The following EIF3I variants were observed in gnomAD, a reference collection of about 807,000 sequenced individuals.
EIF3I encodes eukaryotic translation initiation factor 3 subunit I.
Under a neutral mutation model 43.3 loss-of-function variants are expected in EIF3I, and 20 were observed. The ratio of observed to expected loss-of-function variants is 0.46; its 90% CI spans 0.32 to 0.67. The LOEUF is 0.67. Among genes scored for constraint, EIF3I ranks in the 30% least tolerant of loss-of-function variants. EIF3I has a pLI of 0.03. For synonymous variants in EIF3I, 167 were observed against 151.7 expected (o/e 1.10, Z -0.74); for missense variants, 279 against 421.4 (o/e 0.66, Z 2.96).
At chr1:32,234,765 G>C (rs1344054638), downstream of EIF3I, 2 of 152,298 alleles carry the variant, frequency 1.3e-5, no homozygotes, top group African/African-American at 4.8e-5. Flanking sequence ...TGCTCAAGGG[G>C]TCCAGGATGA....
At chr1:32,227,793 C>A (rs1639169921) in intron 6 of EIF3I, among the ~76,000 whole-genome samples, 1 of 152,090 alleles carries the variant, frequency 6.6e-6, no homozygotes, top group South Asian at 2.1e-4. Flanking sequence ...AATTAAGGAT[C>A]ACAAATGAGC....
At chr1:32,223,314 C>T (rs563220373) in intron 2 of EIF3I, among the ~76,000 whole-genome samples, 3 of 152,272 alleles carry the variant, frequency 2.0e-5, no homozygotes, top group South Asian at 2.1e-4. Flanking sequence ...GACGGAGTCT[C>T]GCTCTGTCGC....
chr1:32,233,820 T>G (rs780996672), downstream of EIF3I, among the ~76,000 whole-genome samples: 4 of 152,138 alleles, frequency 2.6e-5, no homozygotes, highest in Non-Finnish European at 5.9e-5. Context: ...GTTTTCAAGG[T>G]AGGGGTTCAC....
At chr1:32,222,496 G>A (rs370187762) in intron 1 of EIF3I, 42 bp from the exon 2 acceptor site, 15 of 1,613,156 alleles carry the variant, frequency 9.3e-6, no homozygotes, top group South Asian at 3.3e-5. Context: ...CTGAGGCTGG[G>A]GCCCAATTCC....
At chr1:32,222,470 C>A in intron 1 of EIF3I, 26 bp downstream of exon 1, 1 of 1,610,016 alleles carries the variant, frequency 6.2e-7, no homozygotes. Context: ...AGGGGTATTG[C>A]AGTGGGGGTC....
Position 32,228,429 on chromosome 1 carries a change from C to A in EIF3I, c.529-70C>A, listed in dbSNP as rs1044444596. The stretch of plus-strand genomic sequence containing the variant: ...TGCTGTCTCAGCTTTCATTTGGGTG[C>A]TTGGGTTTCTGGGGAGCTGAGATTA... On this transcript the variant is annotated intron_variant, in intron 6 of 11. Coordinates refer to ENST00000676679, the Ensembl canonical transcript of EIF3I. The A allele has an allele frequency of 4.5e-6, 6 of 1,324,568 alleles. No individual in the cohort carries two copies. In the African/African-American group the frequency reaches 7.2e-5, roughly 16 times the overall value. The allele number at this position is 1,324,568 out of a possible 1,614,324, so 82.1% of individuals were successfully genotyped here. A position where few individuals can be genotyped will look rare whatever the true frequency, so the allele number is the denominator to read the frequency against.
chr1:32,222,442 A>T, exon 1 of EIF3I: 1 of 1,599,848 alleles, frequency 6.3e-7, no homozygotes, highest in South Asian at 1.1e-5. Flanking sequence ...CACAGCCGGG[A>T]TGGTGAGTTT....
chr1:32,226,203 G>T lies in EIF3I; in HGVS notation c.283G>T (p.Ala95Ser), dbSNP rs763686614. ...GCTGGCCCTTCTCAAGACCAATTCG[G>T]CTGTCCGGACCTGCGGTTTTGACTT... The change falls in exon 5 of 12, where the codon GCT becomes TCT. Residue 95 changes from alanine (A) to serine (S), a missense_variant. By Grantham distance (99) the Ala-to-Ser change is moderately conservative. This residue lies in a region of EIF3I where 31 missense variants were observed against 72.1 expected (regional missense o/e 0.43). Transcript: ENST00000676679. 1.9e-6 allele frequency: 3 copies of T among 1,614,074 alleles called. 1 individual carries two copies. Among genetic ancestry groups the T allele is most frequent in the South Asian group, 2.2e-5 (2 of 91,078 alleles).
intron 2 of EIF3I, 152 bp downstream of exon 2, chr1:32,222,782 A>G: frequency 1.3e-6 from 1 of 762,762 alleles, no homozygotes; most frequent in Non-Finnish European, 2.2e-6. Flanking sequence ...TGGCGAAAGT[A>G]TTCTACCGGG....
downstream of EIF3I, chr1:32,231,788 G>A (rs1639241275): frequency 6.5e-6 from 1 of 152,950 alleles, no homozygotes. Flanking sequence ...GTCCTAAGGG[G>A]CCTGCAGAGG....
chr1:32,230,872 C>T (rs1228457915), intron 10 of EIF3I, 55 bp from the exon 10 acceptor site: 41 of 1,382,956 alleles, frequency 3.0e-5, no homozygotes, highest in Non-Finnish European at 3.9e-5. Flanking sequence ...GTGCCACCTC[C>T]AAAGTGTTTT....
chr1:32,222,721 C>G, intron 2 of EIF3I, 91 bp downstream of exon 2: 1 of 1,284,822 alleles, frequency 7.8e-7, no homozygotes, highest in Admixed American at 1.7e-5. Context: ...AGCGGGGAAC[C>G]AAAGAGCAGC....
intron 4 of EIF3I, among the ~76,000 whole-genome samples, chr1:32,225,217 C>T (rs186929263): frequency 6.6e-6 from 1 of 151,994 alleles, no homozygotes; most frequent in Non-Finnish European, 1.5e-5. Context: ...CTCAAGTGAT[C>T]CACCCGCCTT....
chr1:32,233,490 C>T (rs1467849281), downstream of EIF3I, among the ~76,000 whole-genome samples: 1 of 151,942 alleles, frequency 6.6e-6, no homozygotes, highest in Admixed American at 6.6e-5. Flanking sequence ...GGGGTTTTAC[C>T]ATGTTGGCCA....
chr1:32,230,473 C>T (rs540857809), intron 10 of EIF3I, among the ~76,000 whole-genome samples: 169 of 152,218 alleles, frequency 1.1e-3, no homozygotes, highest in African/African-American at 3.8e-3. Flanking sequence ...CCACCCGCCT[C>T]GGCCTCCCAA....
intron 4 of EIF3I, among the ~76,000 whole-genome samples, chr1:32,224,934 A>G (rs999497388): frequency 6.6e-6 from 1 of 152,114 alleles, no homozygotes; most frequent in African/African-American, 2.4e-5. Context: ...CCCAGGTTCA[A>G]GTGATTCTCC....
intron 6 of EIF3I, among the ~76,000 whole-genome samples, chr1:32,227,295 A>AAT (rs1639162944): frequency 6.6e-6 from 1 of 151,162 alleles, no homozygotes; most frequent in Non-Finnish European, 1.5e-5. Context: ...AAAAAAAAAA[A>AAT]AAAAGTTAAT....
exon 12 of EIF3I, chr1:32,231,229 A>C: frequency 2.4e-5 from 39 of 1,600,060 alleles, no homozygotes; most frequent in Non-Finnish European, 3.0e-5. Context: ...GTGGTGGCTC[A>C]TGCCTGTAAT....
At chr1:32,225,531 T>G (rs1272465455) in intron 4 of EIF3I, among the ~76,000 whole-genome samples, 1 of 143,882 alleles carries the variant, frequency 7.0e-6, no homozygotes. Context: ...TCACCTGAGG[T>G]CAGGAGTGCA....
Sources: gnomAD v4.1 joint callset for allele counts (sites outside exome capture counted in the v4.1 genomes callset) on GRCh38, gnomAD v4.1.1 for gene constraint, gnomAD v4.1.1 regional missense constraint, MANE v1.5 for transcripts, NCBI Gene and HGNC (gene_info 2026-07-23, HGNC 2026-07-21) for gene names.